NDST3: variants seen among roughly 807,000 people sequenced by gnomAD.
NDST3 encodes N-deacetylase and N-sulfotransferase 3.
Under a neutral mutation model 96.1 loss-of-function variants are expected in NDST3, and 58 were observed. The ratio of observed to expected loss-of-function variants is 0.60; its 90% CI spans 0.49 to 0.75. NDST3 has a LOEUF of 0.75. Ranked by LOEUF, NDST3 falls within the 30% of genes least tolerant of loss-of-function variation. NDST3 has a pLI of 0.00. For missense variants in NDST3, 788 were observed against 1,034.2 expected, an observed-to-expected ratio of 0.76 and a Z score of 3.27; for synonymous variants, 333 against 359.7, an observed-to-expected ratio of 0.93 and a Z score of 0.84.
chr4:118,235,707 G>GAAGC (rs1740596588), intron 9 of NDST3, among the ~76,000 whole-genome samples: 1 of 152,156 alleles, frequency 6.6e-6, no homozygotes, highest in Non-Finnish European at 1.5e-5. Flanking sequence ...TTCTACATAA[G>GAAGC]AAGCATCCTG....
intron 8 of NDST3, among the ~76,000 whole-genome samples, chr4:118,227,386 C>T (rs1328596452): frequency 2.0e-5 from 3 of 152,170 alleles, no homozygotes; most frequent in South Asian, 4.1e-4. Context: ...AAAATAGTCC[C>T]TTAGGCTGCC....
At chr4:118,061,316 T>TGA (rs1725875407) in intron 2 of NDST3, among the ~76,000 whole-genome samples, 1 of 152,172 alleles carries the variant, frequency 6.6e-6, no homozygotes, top group Non-Finnish European at 1.5e-5. Flanking sequence ...AAGTCTTCTC[T>TGA]GACCATTCTC....
chr4:118,053,613 G>A (rs1340707996), intron 1 of NDST3, 143 bp from the exon 2 acceptor site: 2 of 236,898 alleles, frequency 8.4e-6, no homozygotes, highest in African/African-American at 4.6e-5. Context: ...CACAGATCTG[G>A]GAGAAGAAAA....
intron 12 of NDST3, among the ~76,000 whole-genome samples, chr4:118,249,600 G>A (rs581739): frequency 0.83 from 126,582 of 152,068 alleles, 54,374 homozygotes; most frequent in South Asian, 0.95. Flanking sequence ...CAGGCTTTAC[G>A]TAAATGGAAA....
chr4:118,166,210 TGAAAGAGAAG>T (rs1165824596), intron 6 of NDST3, among the ~76,000 whole-genome samples: 6 of 151,452 alleles, frequency 4.0e-5, no homozygotes, highest in Non-Finnish European at 8.9e-5. Context: ...AAATTGGAAA[TGAAAGAGAAG>T]ACATTACAAC....
chr4:118,224,600 A>G lies in NDST3; in HGVS notation c.1649A>G (p.Gln550Arg). 1 of 1,612,926 alleles carries G rather than the reference A, an allele frequency of 6.2e-7. No homozygotes were observed. Among genetic ancestry groups the G allele is most frequent in the South Asian group, 1.1e-5 (1 of 90,734 alleles). ...FVKSWTNLRLQTLPPVQLAHK... is the reference protein window; with the variant it reads ...FVKSWTNLRLRTLPPVQLAHK... The stretch of plus-strand genomic sequence containing the variant: ...AAGAGCTGGACCAACCTGCGACTTC[A>G]GACTCTGCCTCCAGTACAACTGGCC... The change falls in exon 7 of 14, where the codon CAG (glutamine) becomes CGG (arginine). Residue 550 changes from glutamine to arginine, a missense_variant. Around this residue, in one of 3 missense-constraint regions of NDST3, gnomAD observed 490 missense variants for 708.8 expected, o/e 0.69. Coordinates refer to ENST00000296499, the MANE Select transcript of NDST3 (RefSeq NM_004784.3).
chr4:118,255,849 C>G lies in NDST3; in HGVS notation c.*137C>G, dbSNP rs72919247. 3.9e-6 allele frequency: 4 copies of G among 1,022,570 alleles called. No individual in the cohort carries two copies. The highest frequency in any genetic ancestry group is 5.4e-6 in the Non-Finnish European group (4 of 737,196). The allele number at this position is 1,022,570 out of a possible 1,614,324, so 63.3% of individuals were successfully genotyped here. On this transcript the variant is annotated 3_prime_UTR_variant, in exon 14 of 14. Coordinates refer to ENST00000296499, the MANE Select transcript of NDST3 (RefSeq NM_004784.3). ...GAACAGTTTCTTCCATGTGCTGGCA[C>G]GTGGATGATTAGAAAAAAAGAAAAA...
intron 3 of NDST3, among the ~76,000 whole-genome samples, chr4:118,111,510 A>T (rs1290273306): frequency 6.6e-6 from 1 of 150,684 alleles, no homozygotes; most frequent in East Asian, 2.0e-4. Context: ...ATAGTTAATT[A>T]CACTTCAACT....
intron 6 of NDST3, chr4:118,193,936 C>T (rs1737490262): frequency 1.0e-6 from 1 of 955,900 alleles, no homozygotes; most frequent in African/African-American, 1.6e-5. Flanking sequence ...ATTTGCCTTC[C>T]TTGAAGTACA....
At chr4:118,058,626 TGTGTGTGTGCGCGCGC>T (rs774585812) in intron 2 of NDST3, among the ~76,000 whole-genome samples, 3 of 85,268 alleles carry the variant, frequency 3.5e-5, no homozygotes, top group Non-Finnish European at 8.6e-5. Flanking sequence ...TGTGTGTGTG[TGTGTGTGTGCGCGCGC>T]GCGCACGCAT....
At chr4:118,213,590 C>T (rs940146604) in intron 6 of NDST3, among the ~76,000 whole-genome samples, 1 of 150,990 alleles carries the variant, frequency 6.6e-6, no homozygotes, top group Non-Finnish European at 1.5e-5. Flanking sequence ...TATATATATA[C>T]ACATTTTAAA....
chr4:118,186,070 G>C (rs971932921), intron 6 of NDST3, among the ~76,000 whole-genome samples: 1 of 152,156 alleles, frequency 6.6e-6, no homozygotes, highest in African/African-American at 2.4e-5. Context: ...GTAACGGTCA[G>C]AGGAGAGGGT....
chr4:118,165,849 A>T lies in NDST3; in HGVS notation c.1539+22165A>T, dbSNP rs546140970. On this transcript the variant is annotated intron_variant, in intron 6 of 13. Coordinates refer to ENST00000296499, the MANE Select transcript of NDST3 (RefSeq NM_004784.3). ...AAGAAAAAAATCAAAAGAGAAATTT[A>T]AAAATACCTTGATATAAGTAAAAAC... 9.3e-4 allele frequency among the ~76,000 whole-genome samples: 142 copies of T among 152,122 alleles called. 2 individuals are homozygous for T. The highest frequency in any genetic ancestry group is 1.8e-4 in the Non-Finnish European group (12 of 67,868).
At chr4:118,230,952 AT>A (rs1740244287) in intron 8 of NDST3, among the ~76,000 whole-genome samples, 1 of 152,152 alleles carries the variant, frequency 6.6e-6, no homozygotes, top group Admixed American at 6.5e-5. Context: ...TAATTTATAA[AT>A]ACTTAAATAG....
rs367679311 is a variant in NDST3 at position 118,066,282 on chromosome 4, T to A, written c.981+11391T>A. Among the ~76,000 whole-genome samples, 24 of 4,728 alleles carry A rather than the reference T, an allele frequency of 5.1e-3. 2 individuals are homozygous for A. Among genetic ancestry groups the A allele is most frequent in the Non-Finnish European group, 0.02 (9 of 442 alleles). 3.1% of individuals were successfully genotyped at this position (4,728 alleles called of 152,430 possible). On this transcript the variant is annotated intron_variant, in intron 2 of 13. Coordinates refer to ENST00000296499, the MANE Select transcript of NDST3 (RefSeq NM_004784.3). ...TATATATATTATATATATTATATATTATATATATTATATATATTATGTATT... is the reference window on the plus strand; with the variant it reads ...TATATATATTATATATATTATATATAATATATATTATATATATTATGTATT...
intron 6 of NDST3, among the ~76,000 whole-genome samples, chr4:118,198,421 AAACT>A (rs1403757872): frequency 6.6e-6 from 1 of 152,232 alleles, no homozygotes; most frequent in Non-Finnish European, 1.5e-5. Context: ...TTGCATAAAC[AAACT>A]AACAAAAAGA....
At chr4:118,055,465 C>T (rs7688443) in intron 2 of NDST3, 116,830 of 154,794 alleles carry the variant, frequency 0.75, 46,758 homozygotes, top group South Asian at 0.92. Context: ...TTGATTTCAG[C>T]GAACACTTCT....
At chr4:118,097,568 T>C (rs546709660) in intron 2 of NDST3, among the ~76,000 whole-genome samples, 1 of 152,120 alleles carries the variant, frequency 6.6e-6, no homozygotes, top group Non-Finnish European at 1.5e-5. Flanking sequence ...GTTCTGAATC[T>C]CTGGGTTAGG....
intron 12 of NDST3, among the ~76,000 whole-genome samples, chr4:118,246,580 T>C (rs1331485923): frequency 6.6e-6 from 1 of 151,590 alleles, no homozygotes; most frequent in African/African-American, 2.4e-5. Context: ...CACTCCAACC[T>C]GGGGAACAAG....
Sources: allele counts gnomAD v4.1 joint callset (sites outside exome capture counted in the v4.1 genomes callset), GRCh38; gene constraint gnomAD v4.1.1; regional missense constraint gnomAD v4.1.1; transcripts MANE v1.5; gene names NCBI Gene and HGNC (gene_info 2026-07-23, HGNC 2026-07-21).